The following DOCK11 variants were observed in gnomAD, a reference collection of about 807,000 sequenced individuals.
DOCK11 encodes dedicator of cytokinesis protein 11.
DOCK11 carries 70 observed loss-of-function variants against 169.1 expected under a neutral mutation model. That is an observed-to-expected ratio of 0.41 (90% confidence interval 0.34 to 0.51). DOCK11 has a LOEUF of 0.51. Among genes scored for constraint, DOCK11 ranks in the 20% least tolerant of loss-of-function variants. DOCK11 has a pLI of 0.10. For missense variants in DOCK11, 1,166 were observed against 1,538.8 expected (o/e 0.76, Z 4.05); for synonymous variants, 529 against 541.3 (o/e 0.98, Z 0.32).
Position 118,605,267 on chromosome X carries a change from G to T in DOCK11, c.2592G>T (p.Met864Ile), listed in dbSNP as rs776884880. 8.4e-7 allele frequency: 1 copy of T among 1,192,998 alleles called. No homozygotes were observed. Among genetic ancestry groups the T allele is most frequent in the South Asian group, 1.9e-5 (1 of 53,579 alleles). Residue 864 changes from methionine to isoleucine, a missense_variant, in exon 24 of 53, where the codon ATG becomes ATT. Transcript: ENST00000276202. ...KCLHAMEIQV[M>I]IQFLPVILMQ... ...TGCATGCCATGGAGATCCAAGTCAT[G>T]ATACAGTTTCTACCTGTAATTCTTA...
Position 118,553,620 on chromosome X carries a change from A to G in DOCK11, c.558+7504A>G, listed in dbSNP as rs1441254161. 3.6e-5 allele frequency among the ~76,000 whole-genome samples: 4 copies of G among 111,739 alleles called. No individual in the cohort carries two copies. In the East Asian group the frequency reaches 1.1e-3, roughly 31 times the overall value. On this transcript the variant is annotated intron_variant, in intron 6 of 52. Coordinates refer to ENST00000276202, the MANE Select transcript of DOCK11 (RefSeq NM_144658.4). ...ATATCCAGAGTCCAAAAGTCCTTAA[A>G]TCCTTAACTCTTCCAGGAGGGATTT...
At chrX:118,683,911 G>A (rs1009229924) in intron 52 of DOCK11, among the ~76,000 whole-genome samples, 2 of 111,738 alleles carry the variant, frequency 1.8e-5, no homozygotes, top group African/African-American at 6.5e-5. Flanking sequence ...TATATTGATA[G>A]CTAACCAAGA....
chrX:118,546,206 C>A (rs1340709450), intron 6 of DOCK11, 90 bp downstream of exon 6: 2 of 79,179 alleles, frequency 2.5e-5, no homozygotes, highest in Admixed American at 2.1e-4. Context: ...ACAAAGAGCC[C>A]TAGCAAAAAA....
At chrX:118,657,262 AG>A (rs1332086167) in intron 44 of DOCK11, among the ~76,000 whole-genome samples, 1 of 111,635 alleles carries the variant, frequency 9.0e-6, no homozygotes, top group African/African-American at 3.3e-5. Context: ...AATACCCTCA[AG>A]GTTTCTTAGA....
intron 24 of DOCK11, among the ~76,000 whole-genome samples, chrX:118,605,798 A>C: frequency 8.9e-6 from 1 of 112,013 alleles, no homozygotes; most frequent in Non-Finnish European, 1.9e-5. Context: ...ATTTGGTCTA[A>C]GTGTAGTTCA....
chrX:118,598,493 C>T (rs1296497691), intron 22 of DOCK11, among the ~76,000 whole-genome samples: 1 of 111,115 alleles, frequency 9.0e-6, no homozygotes, highest in Non-Finnish European at 1.9e-5. Flanking sequence ...CCTCACAGAA[C>T]TCTGAAAGGA....
At chrX:118,655,012 G>GT in intron 44 of DOCK11, 51 bp downstream of exon 44, 1 of 1,081,479 alleles carries the variant, frequency 9.2e-7, no homozygotes, top group Non-Finnish European at 1.3e-6. Context: ...TAGCATAATA[G>GT]TTTTTTATCT....
chrX:118,563,646 T>C (rs1315497770), intron 7 of DOCK11, among the ~76,000 whole-genome samples: 1 of 108,847 alleles, frequency 9.2e-6, no homozygotes, highest in Non-Finnish European at 1.9e-5. Context: ...AATTTCCGGA[T>C]TGACCTTTCT....
intron 10 of DOCK11, among the ~76,000 whole-genome samples, chrX:118,568,634 G>A (rs1394659832): frequency 9.2e-6 from 1 of 108,359 alleles, no homozygotes; most frequent in Non-Finnish European, 1.9e-5. Context: ...TAGGATAATT[G>A]TCATGTCTGG....
intron 40 of DOCK11, among the ~76,000 whole-genome samples, chrX:118,645,643 C>A (rs912801324): frequency 9.2e-6 from 1 of 109,183 alleles, no homozygotes; most frequent in Admixed American, 9.8e-5. Flanking sequence ...GCCTGGGTGA[C>A]AGGGCAAGAT....
intron 13 of DOCK11, among the ~76,000 whole-genome samples, chrX:118,578,867 A>G (rs2013537356): frequency 8.9e-6 from 1 of 112,078 alleles, no homozygotes; most frequent in Non-Finnish European, 1.9e-5. Flanking sequence ...TAAGAGCCAA[A>G]AGCTTTTAGG....
chrX:118,599,777 T>G (rs765123623), intron 23 of DOCK11, among the ~76,000 whole-genome samples: 4 of 112,701 alleles, frequency 3.5e-5, no homozygotes, highest in African/African-American at 9.7e-5. Context: ...TGCCTGACAG[T>G]GGCTCTCTTC....
At chrX:118,545,451 G>T (rs2012235098) in intron 5 of DOCK11, 59 bp downstream of exon 5, 1 of 846,409 alleles carries the variant, frequency 1.2e-6, no homozygotes, top group African/African-American at 2.1e-5. Flanking sequence ...TCACTTTGCT[G>T]AAAAAGATTT....
intron 10 of DOCK11, among the ~76,000 whole-genome samples, chrX:118,570,856 C>G (rs148645373): frequency 1.2e-3 from 140 of 112,353 alleles, no homozygotes; most frequent in African/African-American, 4.1e-3. Flanking sequence ...TCAGCATGAA[C>G]AGATGAACTT....
At chrX:118,535,700 G>C (rs149681422) in intron 1 of DOCK11, among the ~76,000 whole-genome samples, 3 of 111,639 alleles carry the variant, frequency 2.7e-5, no homozygotes, top group African/African-American at 9.8e-5. Context: ...TCCCTTAGCC[G>C]TTTACTTTAA....
chrX:118,584,297 A>G (rs1442081498), intron 14 of DOCK11, among the ~76,000 whole-genome samples: 1 of 112,152 alleles, frequency 8.9e-6, no homozygotes, highest in Non-Finnish European at 1.9e-5. Flanking sequence ...TATAAATGGA[A>G]TCATGCAGTA....
intron 23 of DOCK11, among the ~76,000 whole-genome samples, chrX:118,601,676 C>T (rs770744180): frequency 1.1e-3 from 118 of 111,980 alleles, no homozygotes; most frequent in South Asian, 2.2e-3. Flanking sequence ...ATGTGACCTA[C>T]GCTCTCCCTC....
At chrX:118,630,309 A>G (rs937455305) in intron 34 of DOCK11, 70 bp from the exon 35 acceptor site, 30 of 602,419 alleles carry the variant, frequency 5.0e-5, no homozygotes, top group Admixed American at 1.8e-4. Flanking sequence ...AATGATAAAA[A>G]AAGAGTTACT....
In DOCK11 at chrX:118,570,687, T is replaced by C. The variant is rs191677886; in HGVS notation, c.1036-1636T>C. 2.8e-3 allele frequency among the ~76,000 whole-genome samples: 309 copies of C among 112,334 alleles called. 1 individual carries two copies. Among genetic ancestry groups the C allele is most frequent in the African/African-American group, 9.6e-3 (297 of 30,966 alleles). The stretch of plus-strand genomic sequence containing the variant: ...AATTGAGAAAAAATTTTGTGTTTCT[T>C]GTCTTGAGTTTTCCATACTGACAGT... On this transcript the variant is annotated intron_variant, in intron 10 of 52. Transcript: ENST00000276202.
Sources: gnomAD v4.1 joint callset for allele counts (sites outside exome capture counted in the v4.1 genomes callset) on GRCh38, gnomAD v4.1.1 for gene constraint, MANE v1.5 for transcripts, NCBI Gene and HGNC (gene_info 2026-07-23, HGNC 2026-07-21) for gene names.